ANKRD30B: variants seen among roughly 807,000 people sequenced by gnomAD.
The protein encoded by ANKRD30B is ankyrin repeat domain-containing protein 30B.
A neutral mutation model predicts 202.2 loss-of-function variants in ANKRD30B; 144 were observed. The observed-to-expected ratio is 0.71, with a 90% CI of 0.62 to 0.82. ANKRD30B has a LOEUF of 0.82. ANKRD30B is among the 40% of genes least tolerant of loss of function. The pLI is 0.00. For missense variants in ANKRD30B, 1,487 were observed against 1,669.1 expected, an observed-to-expected ratio of 0.89 and a Z score of 1.90; for synonymous variants, 508 against 561.3, an observed-to-expected ratio of 0.91 and a Z score of 1.34.
At chr18:14,809,350 T>C (rs1016522041) in intron 26 of ANKRD30B, among the ~76,000 whole-genome samples, 5 of 151,130 alleles carry the variant, frequency 3.3e-5, no homozygotes, top group Non-Finnish European at 7.4e-5. Context: ...TAGCAAGATA[T>C]TAATCAGCAG....
chr18:14,793,407 G>A (rs1163261052), intron 16 of ANKRD30B, among the ~76,000 whole-genome samples: 1 of 152,110 alleles, frequency 6.6e-6, no homozygotes. Context: ...TCTATGTTCA[G>A]CTTTTGCATT....
the ANKRD30B span, among the ~76,000 whole-genome samples, chr18:14,894,641 A>G: frequency 1.3e-5 from 2 of 152,048 alleles, no homozygotes; most frequent in African/African-American, 4.8e-5. Context: ...TCGGCATGTT[A>G]AAACTAAGAA....
chr18:14,881,881 T>G, the ANKRD30B span, among the ~76,000 whole-genome samples: 1 of 152,146 alleles, frequency 6.6e-6, no homozygotes, highest in Non-Finnish European at 1.5e-5. Context: ...GTTTTCTAGT[T>G]TATGTGCCAA....
chr18:14,819,338 C>T (rs1384825137), intron 30 of ANKRD30B, among the ~76,000 whole-genome samples: 10 of 151,608 alleles, frequency 6.6e-5, no homozygotes, highest in African/African-American at 2.4e-4. Flanking sequence ...TGGTAGTTTC[C>T]TTTGCTGTGC....
the ANKRD30B span, among the ~76,000 whole-genome samples, chr18:14,874,308 A>G: frequency 2.2e-3 from 340 of 152,228 alleles, no homozygotes; most frequent in African/African-American, 7.8e-3. Flanking sequence ...CACGTTAATT[A>G]TTATTATTAT....
At chr18:14,845,672 T>A (rs1248949812) in intron 39 of ANKRD30B, among the ~76,000 whole-genome samples, 1 of 151,836 alleles carries the variant, frequency 6.6e-6, no homozygotes, top group Non-Finnish European at 1.5e-5. Flanking sequence ...ATGTTTTAGT[T>A]CTCTTTGCCT....
chr18:14,841,062 A>G (rs114889549), intron 37 of ANKRD30B, among the ~76,000 whole-genome samples: 1,646 of 152,320 alleles, frequency 0.011, 19 homozygotes, highest in Middle Eastern at 0.017. Context: ...AAGAATATAA[A>G]GTGACCTCCC....
At chr18:14,810,775 A>G (rs1427990615) in intron 28 of ANKRD30B, among the ~76,000 whole-genome samples, 2 of 151,088 alleles carry the variant, frequency 1.3e-5, no homozygotes, top group African/African-American at 2.4e-5. Context: ...GAGGTACAAA[A>G]CAGCCTGAAT....
chr18:14,781,288 CTTTTTTTTTT>C (rs892666549), intron 11 of ANKRD30B, among the ~76,000 whole-genome samples: 13 of 85,670 alleles, frequency 1.5e-4, no homozygotes, highest in African/African-American at 3.8e-4. Flanking sequence ...TCTGAGTATT[CTTTTTTTTTT>C]TTTTTTTTTT....
At chr18:14,908,563 C>A in the ANKRD30B span, among the ~76,000 whole-genome samples, 7 of 152,218 alleles carry the variant, frequency 4.6e-5, no homozygotes, top group Non-Finnish European at 7.3e-5. Context: ...CTCCCCTAAC[C>A]CTCTCGCTCT....
the ANKRD30B span, among the ~76,000 whole-genome samples, chr18:14,892,956 C>T: frequency 5.3e-5 from 8 of 151,868 alleles, no homozygotes; most frequent in Non-Finnish European, 1.0e-4. Flanking sequence ...AGGTGGTGAA[C>T]ATTTTTAATC....
At chr18:14,760,118 C>G (rs35667552) in intron 5 of ANKRD30B, among the ~76,000 whole-genome samples, 2 of 152,174 alleles carry the variant, frequency 1.3e-5, no homozygotes, top group Admixed American at 6.5e-5. Flanking sequence ...CATTGCTTCA[C>G]TATTTCTTTG....
At chr18:14,900,969 A>G in the ANKRD30B span, among the ~76,000 whole-genome samples, 2 of 152,170 alleles carry the variant, frequency 1.3e-5, no homozygotes, top group Non-Finnish European at 2.9e-5. Flanking sequence ...TTTTAAGCCA[A>G]ACTGAATCTT....
chr18:14,778,101 A>G, intron 10 of ANKRD30B, 26 bp downstream of exon 10: 1 of 1,421,842 alleles, frequency 7.0e-7, no homozygotes, highest in Non-Finnish European at 9.7e-7. Context: ...TATTTAAAAC[A>G]TCTTTTGACC....
At chr18:14,931,939 C>T in the ANKRD30B span, among the ~76,000 whole-genome samples, 11 of 126,982 alleles carry the variant, frequency 8.7e-5, no homozygotes, top group Non-Finnish European at 8.7e-5. Flanking sequence ...GTCCCGGGCC[C>T]CCCACCCCAC....
chr18:14,836,629 G>A (rs1323419394), intron 34 of ANKRD30B, among the ~76,000 whole-genome samples: 1 of 152,136 alleles, frequency 6.6e-6, no homozygotes, highest in African/African-American at 2.4e-5. Flanking sequence ...CATATTGAGT[G>A]GATACCCATT....
At chr18:14,934,197 T>G in the ANKRD30B span, among the ~76,000 whole-genome samples, 1 of 152,176 alleles carries the variant, frequency 6.6e-6, no homozygotes, top group Non-Finnish European at 1.5e-5. Context: ...CCAGGCTTGG[T>G]CTCCTGAGCC....
Position 14,851,619 on chromosome 18 carries a change from G to A in ANKRD30B, c.3675G>A (p.Gln1225=). ...TAGCCACACTGAAACATCAACACCA[G>A]GTGAAGGAAAATAAATACTTTGAGG... is the stretch of plus-strand genomic sequence containing the variant. ...LEVATLKHQH[Q]VKENKYFEDI... is the part of the protein sequence containing the mutation. Residue 1225 remains glutamine, a synonymous_variant, in exon 42 of 44, where the codon CAG becomes CAA. Coordinates refer to ENST00000690538, the MANE Select transcript of ANKRD30B (RefSeq NM_001367607.2). 1 of 1,611,554 alleles carries A rather than the reference G, an allele frequency of 6.2e-7. No homozygotes were observed. Among genetic ancestry groups the A allele is most frequent in the Non-Finnish European group, 8.5e-7 (1 of 1,178,932 alleles).
chr18:14,870,271 C>T, the ANKRD30B span, among the ~76,000 whole-genome samples: 5 of 152,232 alleles, frequency 3.3e-5, no homozygotes, highest in East Asian at 1.9e-4. Context: ...TGGGCCACTG[C>T]GCCTGGCCTA....
Sources: allele counts gnomAD v4.1 joint callset (sites outside exome capture counted in the v4.1 genomes callset), GRCh38; gene constraint gnomAD v4.1.1; transcripts MANE v1.5; gene names NCBI Gene and HGNC (gene_info 2026-07-23, HGNC 2026-07-21).